USP43: variants seen among roughly 807,000 people sequenced by gnomAD.
USP43 encodes ubiquitin specific peptidase 43, also known as ubiquitin carboxyl-terminal hydrolase 43.
Under a neutral mutation model 90.7 loss-of-function variants are expected in USP43, and 33 were observed. The observed-to-expected ratio is 0.36, with a 90% CI of 0.28 to 0.49. The LOEUF is 0.49. Ranked by LOEUF, USP43 falls within the 20% of genes least tolerant of loss-of-function variation. The pLI is 0.98. For synonymous variants in USP43, 598 were observed against 615.8 expected (o/e 0.97, Z 0.43); for missense variants, 1,274 against 1,476.4 (o/e 0.86, Z 2.25).
intron 6 of USP43, among the ~76,000 whole-genome samples, chr17:9,681,789 C>T (rs780982237): frequency 1.4e-4 from 22 of 151,858 alleles, no homozygotes; most frequent in Admixed American, 3.3e-4. Flanking sequence ...CCACCACACC[C>T]GGCCAGAAGG....
intron 2 of USP43, among the ~76,000 whole-genome samples, chr17:9,665,971 C>T (rs7216960): frequency 0.013 from 2,012 of 152,086 alleles, 42 homozygotes; most frequent in African/African-American, 0.046. Context: ...ATTTCAGTGC[C>T]GTGATACTGA....
At chr17:9,688,444 A>G (rs2937975) in intron 8 of USP43, among the ~76,000 whole-genome samples, 74,896 of 146,264 alleles carry the variant, frequency 0.51, 22,675 homozygotes, top group East Asian at 0.88. Flanking sequence ...TCCGCCTCCC[A>G]GGTTCAAGCG....
At chr17:9,678,606 T>C (rs1913948097) in intron 5 of USP43, among the ~76,000 whole-genome samples, 2 of 152,124 alleles carry the variant, frequency 1.3e-5, no homozygotes, top group African/African-American at 2.4e-5. Context: ...TCCCAAAGTG[T>C]TGGGATTACA....
At chr17:9,680,163 T>G in intron 5 of USP43, 68 bp from the exon 6 acceptor site, 1 of 1,575,704 alleles carries the variant, frequency 6.3e-7, no homozygotes, top group Non-Finnish European at 8.6e-7. Context: ...TATCAGTCAC[T>G]TTTAGATTTC....
In USP43 at chr17:9,710,644, A is replaced by C. The variant is rs562347839; in HGVS notation, c.2170+530A>C. 1.4e-3 allele frequency among the ~76,000 whole-genome samples: 218 copies of C among 151,694 alleles called. 2 individuals are homozygous for C. The highest frequency in any genetic ancestry group is 0.01 in the Middle Eastern group (3 of 288). ...CTCAGCCTCCCGAGTAGCTGGGAGT[A>C]CAGGCACGTGCCACCACCATGCCCA... On this transcript the variant is annotated intron_variant, in intron 13 of 14. Coordinates refer to ENST00000285199, the MANE Select transcript of USP43 (RefSeq NM_153210.5).
intron 12 of USP43, among the ~76,000 whole-genome samples, chr17:9,703,488 C>A (rs1915692449): frequency 6.6e-6 from 1 of 152,222 alleles, no homozygotes; most frequent in African/African-American, 2.4e-5. Context: ...GGTATGGCAG[C>A]AGAAGGGACG....
intron 3 of USP43, among the ~76,000 whole-genome samples, chr17:9,670,017 T>G (rs1913295342): frequency 6.7e-6 from 1 of 149,574 alleles, no homozygotes; most frequent in South Asian, 2.1e-4. Context: ...GTGATCTAGT[T>G]CATTAGTTTC....
chr17:9,677,590 G>C (rs1913867824), intron 5 of USP43, among the ~76,000 whole-genome samples: 1 of 152,194 alleles, frequency 6.6e-6, no homozygotes, highest in Non-Finnish European at 1.5e-5. Flanking sequence ...ATAGGGAGGA[G>C]GCCGTGGTGG....
At position 9,728,903 on chromosome 17, in the gene USP43, G is replaced by T; in HGVS notation, c.3285G>T (p.Glu1095Asp). 1 of 1,613,002 alleles carries T rather than the reference G, an allele frequency of 6.2e-7. No individual in the cohort carries two copies. Among genetic ancestry groups the T allele is most frequent in the Non-Finnish European group, 8.5e-7 (1 of 1,179,340 alleles). Residue 1095 changes from glutamate (E) to aspartate (D), a missense_variant, in exon 15 of 15, where the codon GAG becomes GAT. Around this residue, in one of 6 missense-constraint regions of USP43, gnomAD observed 353 missense variants for 329.7 expected, o/e 1.07. Coordinates refer to ENST00000285199, the MANE Select transcript of USP43 (RefSeq NM_153210.5). The surrounding 1 kb of genome is among the most constrained non-coding windows in gnomAD (Gnocchi z 6.2). The part of the protein sequence containing the change: ...LGMSQRTVPG[E>D]QASYGTFQRV... ...TGTCACAAAGGACTGTTCCAGGGGA[G>T]CAGGCTTCTTATGGCACCTTTCAGA...
chr17:9,707,037 A>G (rs544046373), intron 12 of USP43, among the ~76,000 whole-genome samples: 3 of 152,322 alleles, frequency 2.0e-5, no homozygotes, highest in East Asian at 1.9e-4. Flanking sequence ...ATACTTTTAC[A>G]TAAATGCTAT....
chr17:9,678,082 C>T (rs1333413790), intron 5 of USP43, among the ~76,000 whole-genome samples: 2 of 152,002 alleles, frequency 1.3e-5, no homozygotes, highest in East Asian at 3.9e-4. Flanking sequence ...GGTGAGAGTC[C>T]TGGGGAGAAA....
chr17:9,678,768 A>G (rs1913965275), intron 5 of USP43, among the ~76,000 whole-genome samples: 1 of 148,924 alleles, frequency 6.7e-6, no homozygotes, highest in Non-Finnish European at 1.5e-5. Context: ...TTAGAAGATG[A>G]TTCTTTTACA....
chr17:9,680,409 T>C, intron 6 of USP43, 43 bp downstream of exon 6: 1 of 1,607,188 alleles, frequency 6.2e-7, no homozygotes, highest in Non-Finnish European at 8.5e-7. Context: ...CTATGATGAG[T>C]TACAGGTTTC....
rs778894555 is a variant in USP43 at position 9,676,847 on chromosome 17, T to C, written c.935T>C (p.Met312Thr). ...ILSTVAALRK[M>T]VAEEGGVPAD... ...AGCACAGTGGCAGCCCTGAGGAAGATGGTTGCAGAGGAAGGAGGCGTCCCT... is the reference window on the plus strand; with the variant it reads ...AGCACAGTGGCAGCCCTGAGGAAGACGGTTGCAGAGGAAGGAGGCGTCCCT... Residue 312 changes from methionine to threonine, a missense_variant, in exon 5 of 15, where the codon ATG (methionine) becomes ACG (threonine). Transcript: ENST00000285199. The C allele has an allele frequency of 1.9e-6, 3 of 1,613,862 alleles. No homozygotes were observed. Among genetic ancestry groups the C allele is most frequent in the South Asian group, 1.1e-5 (1 of 91,064 alleles).
At position 9,674,742 on chromosome 17, in the gene USP43, T is replaced by C; in HGVS notation, c.741-149T>C. On this transcript the variant is annotated intron_variant, in intron 3 of 14. Coordinates refer to ENST00000285199, the MANE Select transcript of USP43 (RefSeq NM_153210.5). This position sits in a 1 kb window ranked among gnomAD's most constrained non-coding sequence, Gnocchi z 4.4. ...GCAGCTATGAACACTTGTGTACAAG[T>C]ATTTGAACACCTGTTCTCAATTCTT... 1.4e-6 allele frequency: 1 copy of C among 706,726 alleles called. No homozygotes were observed. Among genetic ancestry groups the C allele is most frequent in the South Asian group, 1.7e-5 (1 of 59,616 alleles). The allele number at this position is 706,726 out of a possible 1,614,324, so 43.8% of individuals were successfully genotyped here.
intron 2 of USP43, among the ~76,000 whole-genome samples, chr17:9,659,800 C>T (rs1241353464): frequency 1.3e-5 from 2 of 149,954 alleles, no homozygotes; most frequent in Non-Finnish European, 3.0e-5. Context: ...CCAAATCCAG[C>T]AAACTCAACT....
chr17:9,656,712 G>A (rs1912277916), intron 2 of USP43, among the ~76,000 whole-genome samples, 178 bp downstream of exon 2: 1 of 152,154 alleles, frequency 6.6e-6, no homozygotes, highest in African/African-American at 2.4e-5. Context: ...TTTTACACAA[G>A]GCGTTTCCTT....
chr17:9,692,817 T>C (rs1947983436), intron 8 of USP43, among the ~76,000 whole-genome samples: 1 of 152,238 alleles, frequency 6.6e-6, no homozygotes, highest in Admixed American at 6.5e-5. Context: ...ATGATTGATT[T>C]ATGTTCCATT....
At position 9,645,587 on chromosome 17, in the gene USP43, C is replaced by T. The variant is rs1489729393; in HGVS notation, c.-46C>T. 1 of 1,176,260 alleles carries T rather than the reference C, an allele frequency of 8.5e-7. No individual in the cohort carries two copies. Among genetic ancestry groups the T allele is most frequent in the East Asian group, 3.9e-5 (1 of 25,784 alleles). 72.9% of individuals were successfully genotyped at this position (1,176,260 alleles called of 1,614,324 possible). On this transcript the variant is annotated 5_prime_UTR_variant, in exon 1 of 15. Coordinates refer to ENST00000285199, the MANE Select transcript of USP43 (RefSeq NM_153210.5). This position sits in a 1 kb window ranked among gnomAD's most constrained non-coding sequence, Gnocchi z 6.8. ...GTAGGGCCTGCTGGCCGCTCGTCCG[C>T]CTCGCGCCCGGGGGCTCCGCGCCTG...
Sources: allele counts gnomAD v4.1 joint callset (sites outside exome capture counted in the v4.1 genomes callset), GRCh38; gene constraint gnomAD v4.1.1; regional missense constraint gnomAD v4.1.1; non-coding constraint Gnocchi (gnomAD v3.1); transcripts MANE v1.5; gene names NCBI Gene and HGNC (gene_info 2026-07-23, HGNC 2026-07-21).